NALF1: variants seen among roughly 807,000 people sequenced by gnomAD.
NALF1 encodes NALCN channel auxiliary factor 1.
A neutral mutation model predicts 48.4 loss-of-function variants in NALF1; 3 were observed. The observed-to-expected ratio is 0.06, with a 90% CI of 0.03 to 0.16. The LOEUF is 0.16. NALF1 is among the 10% of genes least tolerant of loss of function. NALF1 has a pLI of 1.00. For missense variants in NALF1, 526 were observed against 571.5 expected, an observed-to-expected ratio of 0.92 and a Z score of 0.81; for synonymous variants, 262 against 245.7, an observed-to-expected ratio of 1.07 and a Z score of -0.62.
chr13:107,811,074 G>A (rs1028717447), intron 1 of NALF1, among the ~76,000 whole-genome samples: 1 of 152,066 alleles, frequency 6.6e-6, no homozygotes, highest in African/African-American at 2.4e-5. Context: ...CCTTTACTCA[G>A]AAATATTTAT....
intron 2 of NALF1, among the ~76,000 whole-genome samples, chr13:107,178,896 G>C (rs552285199): frequency 1.1e-4 from 17 of 151,502 alleles, no homozygotes; most frequent in Middle Eastern, 6.8e-3. Context: ...AGTGAGCCGC[G>C]ATCCCGCCAC....
At chr13:107,764,431 CTG>C (rs369988050) in intron 1 of NALF1, among the ~76,000 whole-genome samples, 3 of 151,478 alleles carry the variant, frequency 2.0e-5, no homozygotes, top group South Asian at 2.1e-4. Context: ...ACTTATACAT[CTG>C]TGTGTGTGTG....
At chr13:107,455,785 T>A (rs4600331) in intron 1 of NALF1, among the ~76,000 whole-genome samples, 1 of 152,162 alleles carries the variant, frequency 6.6e-6, no homozygotes, top group African/African-American at 2.4e-5. Context: ...TGGAATGATA[T>A]GTAGCCTTCA....
chr13:107,429,624 G>A (rs574077781), intron 1 of NALF1, among the ~76,000 whole-genome samples: 118 of 152,234 alleles, frequency 7.8e-4, no homozygotes, highest in African/African-American at 2.6e-3. Flanking sequence ...CTGAACTCTT[G>A]CCTTCACTCC....
chr13:107,865,233 CA>C (rs1404508690), intron 1 of NALF1, among the ~76,000 whole-genome samples: 1 of 152,226 alleles, frequency 6.6e-6, no homozygotes, highest in Non-Finnish European at 1.5e-5. Context: ...TTAATGATGT[CA>C]CTATGAGAGC....
chr13:107,502,317 C>T (rs970332333), intron 1 of NALF1, among the ~76,000 whole-genome samples: 8 of 152,034 alleles, frequency 5.3e-5, no homozygotes, highest in African/African-American at 1.7e-4. Flanking sequence ...AGCACCCCAC[C>T]CTGTAGCAAA....
chr13:107,578,245 T>A (rs1380620019), intron 1 of NALF1, among the ~76,000 whole-genome samples: 3 of 150,488 alleles, frequency 2.0e-5, no homozygotes, highest in Admixed American at 1.3e-4. Flanking sequence ...CAACTTTTAT[T>A]TTTTTCTGGT....
At chr13:107,216,002 G>C (rs1407550492) in intron 1 of NALF1, among the ~76,000 whole-genome samples, 1 of 152,114 alleles carries the variant, frequency 6.6e-6, no homozygotes, top group Non-Finnish European at 1.5e-5. Context: ...TTATCACAAA[G>C]AAAAATGTCA....
chr13:107,436,924 T>A (rs1296576155), intron 1 of NALF1, among the ~76,000 whole-genome samples: 1 of 152,132 alleles, frequency 6.6e-6, no homozygotes, highest in African/African-American at 2.4e-5. Flanking sequence ...TTTTTGTTCA[T>A]CAAGAGACTA....
chr13:107,237,215 A>C (rs914907402), intron 1 of NALF1, among the ~76,000 whole-genome samples: 7 of 152,162 alleles, frequency 4.6e-5, no homozygotes, highest in African/African-American at 1.7e-4. Flanking sequence ...TGAACTAGAA[A>C]TATATAATGA....
chr13:107,206,142 C>T (rs1383377502), intron 2 of NALF1, among the ~76,000 whole-genome samples: 1 of 152,136 alleles, frequency 6.6e-6, no homozygotes, highest in Non-Finnish European at 1.5e-5. Flanking sequence ...CCTGACAGCA[C>T]CTCAGAATTT....
intron 1 of NALF1, among the ~76,000 whole-genome samples, chr13:107,847,109 T>C (rs150101613): frequency 6.6e-6 from 1 of 152,306 alleles, no homozygotes; most frequent in East Asian, 1.9e-4. Context: ...AAAGAAAACT[T>C]GAACATGACC....
intron 1 of NALF1, among the ~76,000 whole-genome samples, chr13:107,562,354 G>C (rs943474589): frequency 3.3e-5 from 5 of 152,114 alleles, no homozygotes; most frequent in African/African-American, 1.2e-4. Flanking sequence ...TTTGTATATT[G>C]TATCCTTATG....
At chr13:107,763,210 C>T (rs779620210) in intron 1 of NALF1, among the ~76,000 whole-genome samples, 38 of 151,846 alleles carry the variant, frequency 2.5e-4, no homozygotes, top group Admixed American at 8.5e-4. Flanking sequence ...TCAATATCCC[C>T]GCAAGTAAAG....
At chr13:107,455,915 T>C (rs568298365) in intron 1 of NALF1, among the ~76,000 whole-genome samples, 28 of 152,286 alleles carry the variant, frequency 1.8e-4, no homozygotes, top group African/African-American at 6.3e-4. Flanking sequence ...TGTGCCACAG[T>C]TTACCCATTG....
At chr13:107,312,927 AG>A (rs1412795222) in intron 1 of NALF1, among the ~76,000 whole-genome samples, 2 of 152,206 alleles carry the variant, frequency 1.3e-5, no homozygotes, top group African/African-American at 4.8e-5. Flanking sequence ...ATTTGAGGAA[AG>A]CTCCCTACAT....
rs145631103 is a variant in NALF1 at position 107,494,992 on chromosome 13, G to A, written c.916-284237C>T. Among the ~76,000 whole-genome samples, 345 of 152,320 alleles carry A rather than the reference G, an allele frequency of 2.3e-3. 1 individual carries two copies. The highest frequency in any genetic ancestry group is 7.4e-3 in the African/African-American group (306 of 41,572). On this transcript the variant is annotated intron_variant, in intron 1 of 2. Coordinates refer to ENST00000375915, the MANE Select transcript of NALF1 (RefSeq NM_001080396.3). ...GCTTCTAAACCAAGCAAAAGAGTTT[G>A]TCTTCCAAAAGGACACCAATTCCCA...
chr13:107,570,466 AT>A (rs1262941105), intron 1 of NALF1, among the ~76,000 whole-genome samples: 1 of 151,694 alleles, frequency 6.6e-6, no homozygotes, highest in Non-Finnish European at 1.5e-5. Context: ...TTTTCCTTTA[AT>A]TTTTTGATAC....
At chr13:107,499,771 CT>C in intron 1 of NALF1, among the ~76,000 whole-genome samples, 1 of 151,998 alleles carries the variant, frequency 6.6e-6, no homozygotes, top group East Asian at 1.9e-4. Context: ...CCTAATTATT[CT>C]ACATTTCTTT....
Sources: gnomAD v4.1 joint callset for allele counts (sites outside exome capture counted in the v4.1 genomes callset) on GRCh38, gnomAD v4.1.1 for gene constraint, MANE v1.5 for transcripts, NCBI Gene and HGNC (gene_info 2026-07-23, HGNC 2026-07-21) for gene names.